Variants in NINJ2 observed in about 807,000 individuals in gnomAD.
The protein encoded by NINJ2 is ninjurin 2.
A neutral mutation model predicts 11.7 loss-of-function variants in NINJ2; 12 were observed. That is an observed-to-expected ratio of 1.02 (90% CI 0.66 to 1.66). The LOEUF (loss-of-function observed/expected upper bound fraction) is 1.66. NINJ2 is among the 40% of genes most tolerant of loss of function. The pLI is 0.00. For synonymous variants in NINJ2, 93 were observed against 76.8 expected (o/e 1.21, Z -1.10); for missense variants, 187 against 181.8 (o/e 1.03, Z -0.16).
At chr12:656,283 G>A (rs1278880152) in intron 1 of NINJ2, among the ~76,000 whole-genome samples, 4 of 151,884 alleles carry the variant, frequency 2.6e-5, no homozygotes, top group Non-Finnish European at 5.9e-5. Flanking sequence ...AGAATCACTT[G>A]AACCCAGGAG....
At chr12:630,578 A>G (rs1948267618) in intron 1 of NINJ2, among the ~76,000 whole-genome samples, 1 of 152,066 alleles carries the variant, frequency 6.6e-6, no homozygotes, top group African/African-American at 2.4e-5. Context: ...GAGTTTCACC[A>G]TGTTGACAGG....
At position 588,164 on chromosome 12, in the gene NINJ2, G is replaced by A. The variant is rs1460596735; in HGVS notation, c.34-21986C>T. ...AGCAAAATGGCGGAAGGAAGGGAAG[G>A]GACGGAAGGGACGGAAGGGACGGAA... On this transcript the variant is annotated intron_variant, in intron 1 of 3. Coordinates refer to ENST00000305108, the MANE Select transcript of NINJ2 (RefSeq NM_016533.6). Among the ~76,000 whole-genome samples the A allele has an allele frequency of 5.0e-5, 6 of 118,992 alleles. 2 individuals are homozygous for A. In the East Asian group the frequency reaches 1.3e-3, roughly 27 times the overall value. 78.1% of individuals were successfully genotyped at this position (118,992 alleles called of 152,430 possible).
intron 1 of NINJ2, among the ~76,000 whole-genome samples, chr12:653,018 C>CTTTTT (rs377056940): frequency 2.4e-4 from 23 of 96,210 alleles, no homozygotes; most frequent in East Asian, 1.0e-3. Flanking sequence ...TATTTTGTTT[C>CTTTTT]TTTTTTTTTT....
At chr12:606,562 A>C (rs1947944746) in intron 1 of NINJ2, among the ~76,000 whole-genome samples, 2 of 152,238 alleles carry the variant, frequency 1.3e-5, no homozygotes, top group East Asian at 3.8e-4. Flanking sequence ...CATCATTGTC[A>C]GCTTTTGGAA....
rs1947262065 is a variant in NINJ2, at chr12:564,440, T to C, written c.*260A>G. ...TTGGCCTTAGACAGACATGCCTTAC[T>C]TAGGTCCAGCAGATGCTACCAGGAA... On this transcript the variant is annotated 3_prime_UTR_variant, in exon 4 of 4. Coordinates refer to ENST00000305108, the MANE Select transcript of NINJ2 (RefSeq NM_016533.6). 2 of 152,252 alleles carry C rather than the reference T, an allele frequency of 1.3e-5. No homozygotes were observed. Among genetic ancestry groups the C allele is most frequent in the Admixed American group, 6.5e-5 (1 of 15,288 alleles). The allele number at this position is 152,252 out of a possible 1,614,324, so 9.4% of individuals were successfully genotyped here. A position where few individuals can be genotyped will look rare whatever the true frequency, so the allele number is the denominator to read the frequency against.
chr12:652,972 A>G (rs527377452), intron 1 of NINJ2, among the ~76,000 whole-genome samples: 11 of 150,930 alleles, frequency 7.3e-5, no homozygotes, highest in Admixed American at 7.3e-4. Flanking sequence ...AAAAAGAAAA[A>G]GAAAAAAATT....
rs1947622607 is a variant in NINJ2, at chr12:585,512, GGAGGGAAGGGAAGGGAA to G, written c.34-19351_34-19335del. ...TTGGAGGGAAGGGAAGGGAACGGTTGGAGGGAAGGGAAGGGAACGGTTGGAGGGAAGGGAAGGGAACG... is the reference window on the plus strand; with the variant it reads ...TTGGAGGGAAGGGAAGGGAACGGTTGCGGTTGGAGGGAAGGGAAGGGAACG... On this transcript the variant is annotated intron_variant, in intron 1 of 3. Transcript: ENST00000305108. The surrounding 1 kb of genome is among the most constrained non-coding windows in gnomAD (Gnocchi z 4.1). Among the ~76,000 whole-genome samples the G allele has an allele frequency of 2.0e-5, 3 of 150,142 alleles. No individual in the cohort carries two copies. Among genetic ancestry groups the G allele is most frequent in the African/African-American group, 7.3e-5 (3 of 41,078 alleles).
intron 1 of NINJ2, chr12:645,083 A>G (rs887805477): frequency 6.6e-6 from 1 of 152,240 alleles, no homozygotes; most frequent in African/African-American, 2.4e-5. Context: ...ATAGCATTAT[A>G]TAACCCAATT....
At chr12:622,052 G>T (rs1948158914) in intron 1 of NINJ2, among the ~76,000 whole-genome samples, 1 of 151,162 alleles carries the variant, frequency 6.6e-6, no homozygotes, top group East Asian at 1.9e-4. Flanking sequence ...AACCTGGGAG[G>T]CGGAGGCTGC....
chr12:608,016 C>T (rs561587503), intron 1 of NINJ2, among the ~76,000 whole-genome samples: 1 of 152,132 alleles, frequency 6.6e-6, no homozygotes, highest in Non-Finnish European at 1.5e-5. Context: ...AGGAAATGTG[C>T]GCTTGTAGGA....
chr12:643,524 A>G (rs951604406), intron 1 of NINJ2: 1 of 987,956 alleles, frequency 1.0e-6, no homozygotes, highest in African/African-American at 1.7e-5. Flanking sequence ...ATGTCCCCTC[A>G]CTTAATCCTC....
In NINJ2 at chr12:653,721, G is replaced by A. The variant is rs538378688; in HGVS notation, c.33+9607C>T. ...AAAAAAAAGTGGAAGACAAAAATAG[G>A]AGCAAAGAATGAGGGTAACAAATAG... On this transcript the variant is annotated intron_variant, in intron 1 of 3. Transcript: ENST00000305108. 2.6e-5 allele frequency among the ~76,000 whole-genome samples: 4 copies of A among 152,124 alleles called. No individual in the cohort carries two copies. In the South Asian group the frequency reaches 8.3e-4, roughly 32 times the overall value.
intron 1 of NINJ2, chr12:644,158 TA>T (rs1305720521): frequency 6.5e-6 from 1 of 154,750 alleles, no homozygotes; most frequent in Non-Finnish European, 1.5e-5. Context: ...TTCGTCACCT[TA>T]ATACTGGCCA....
chr12:643,585 G>A (rs1171328918), intron 1 of NINJ2: 3 of 987,972 alleles, frequency 3.0e-6, no homozygotes, highest in East Asian at 2.3e-4. Flanking sequence ...TGAGGAAACC[G>A]AGGCTCGGAG....
intron 1 of NINJ2, among the ~76,000 whole-genome samples, chr12:629,916 T>TATATATATATATAC (rs147102413): frequency 0.011 from 808 of 72,910 alleles, 10 homozygotes; most frequent in Non-Finnish European, 0.016. Context: ...TATATATATA[T>TATATATATATATAC]ATATATGAAG....
At chr12:629,557 C>T (rs954976605) in intron 1 of NINJ2, among the ~76,000 whole-genome samples, 4 of 152,110 alleles carry the variant, frequency 2.6e-5, no homozygotes, top group Admixed American at 6.5e-5. Flanking sequence ...CGGCTTTGAA[C>T]GCGGCCCAAA....
At chr12:653,200 T>G (rs2120532110) in intron 1 of NINJ2, among the ~76,000 whole-genome samples, 1 of 151,852 alleles carries the variant, frequency 6.6e-6, no homozygotes, top group Admixed American at 6.6e-5. Context: ...TTTTGTATTT[T>G]TAGTAGAGAC....
intron 1 of NINJ2, among the ~76,000 whole-genome samples, chr12:655,807 G>A (rs1166008508): frequency 1.3e-5 from 2 of 152,054 alleles, no homozygotes; most frequent in African/African-American, 2.4e-5. Flanking sequence ...CAGCTACTCA[G>A]GAGGCTGAGG....
chr12:598,546 G>A lies in NINJ2; in HGVS notation c.34-32368C>T, dbSNP rs143421218. The stretch of plus-strand genomic sequence containing the variant: ...GGGCTGTGAGAAATGAGGAGAAAGG[G>A]GGGGAGACATTTAAAACATGGTCAT... On this transcript the variant is annotated intron_variant, in intron 1 of 3. Coordinates refer to ENST00000305108, the MANE Select transcript of NINJ2 (RefSeq NM_016533.6). Among the ~76,000 whole-genome samples the A allele has an allele frequency of 4.2e-3, 643 of 152,312 alleles. 6 individuals carry two copies. Among genetic ancestry groups the A allele is most frequent in the Non-Finnish European group, 7.5e-3 (510 of 68,042 alleles).
Sources: gnomAD v4.1 joint callset for allele counts (sites outside exome capture counted in the v4.1 genomes callset) on GRCh38, gnomAD v4.1.1 for gene constraint, Gnocchi (gnomAD v3.1) non-coding constraint, MANE v1.5 for transcripts, NCBI Gene and HGNC (gene_info 2026-07-23, HGNC 2026-07-21) for gene names.